RPS6KA1: variants seen among roughly 807,000 people sequenced by gnomAD.
The protein encoded by RPS6KA1 is ribosomal protein S6 kinase A1.
A neutral mutation model predicts 91.3 loss-of-function variants in RPS6KA1; 48 were observed. The observed-to-expected ratio is 0.53, with a 90% confidence interval of 0.42 to 0.67. The LOEUF is 0.67. Among genes scored for constraint, RPS6KA1 ranks in the 30% least tolerant of loss-of-function variants. The pLI is 0.00. For missense variants in RPS6KA1, 719 were observed against 960.5 expected (o/e 0.75, Z 3.32); for synonymous variants, 359 against 384.7 (o/e 0.93, Z 0.78).
At chr1:26,556,933 G>T in intron 12 of RPS6KA1, 65 bp from the exon 13 acceptor site, 2 of 1,334,046 alleles carry the variant, frequency 1.5e-6, no homozygotes, top group Non-Finnish European at 2.2e-6. Context: ...ACCTCCTCCT[G>T]CATGGGGCTC....
At chr1:26,569,505 TC>T (rs1459823167) in intron 17 of RPS6KA1, among the ~76,000 whole-genome samples, 1 of 152,148 alleles carries the variant, frequency 6.6e-6, no homozygotes, top group Admixed American at 6.5e-5. Context: ...TGTGGCCCTT[TC>T]CCCCTCATCT....
chr1:26,568,713 G>A (rs2076224684), intron 17 of RPS6KA1, among the ~76,000 whole-genome samples: 1 of 152,176 alleles, frequency 6.6e-6, no homozygotes, highest in South Asian at 2.1e-4. Context: ...TCACGCCATT[G>A]CACTCCAGCC....
intron 4 of RPS6KA1, among the ~76,000 whole-genome samples, chr1:26,548,731 G>A (rs2076018948): frequency 6.6e-6 from 1 of 151,794 alleles, no homozygotes; most frequent in South Asian, 2.1e-4. Flanking sequence ...CCCAGGAGGT[G>A]GAGATTGCAG....
Position 26,571,185 on chromosome 1 carries a change from A to G in RPS6KA1, c.1591-264A>G. Reference sequence around the variant, plus strand: ...GGAAGGATGGAGTTGCCACAAGGTAAGATTATGTGATGAGTAGGTTTTAGG... The same window carrying G: ...GGAAGGATGGAGTTGCCACAAGGTAGGATTATGTGATGAGTAGGTTTTAGG... On this transcript the variant is annotated intron_variant, in intron 17 of 21. Transcript: ENST00000374168. The surrounding 1 kb of genome is among the most constrained non-coding windows in gnomAD (Gnocchi z 5.1). The G allele has an allele frequency of 2.3e-6, 1 of 433,522 alleles. No individual in the cohort carries two copies. The highest frequency in any genetic ancestry group is 3.8e-5 in the South Asian group (1 of 26,238). The allele number at this position is 433,522 out of a possible 1,614,324, so 26.9% of individuals were successfully genotyped here. A position where few individuals can be genotyped will look rare whatever the true frequency, so the allele number is the denominator to read the frequency against.
At chr1:26,538,941 G>A (rs971579024) in intron 2 of RPS6KA1, among the ~76,000 whole-genome samples, 1 of 152,168 alleles carries the variant, frequency 6.6e-6, no homozygotes. Context: ...GCTGGCAATG[G>A]GCCACTTTAT....
Position 26,561,694 on chromosome 1 carries a change from G to A in RPS6KA1, c.1590+31G>A, listed in dbSNP as rs758060650. 6.4e-7 allele frequency: 1 copy of A among 1,563,526 alleles called. No homozygotes were observed. Among genetic ancestry groups the A allele is most frequent in the Non-Finnish European group, 8.7e-7 (1 of 1,152,380 alleles). On this transcript the variant is annotated intron_variant, in intron 17 of 21. Coordinates refer to ENST00000374168, the MANE Select transcript of RPS6KA1 (RefSeq NM_002953.4). The surrounding 1 kb of genome is among the most constrained non-coding windows in gnomAD (Gnocchi z 5.7). ...TCTGGATTCGGGGAGGCAGTAGGGG[G>A]ATGCCAAGGGTCATATCATCAGCAG...
At chr1:26,564,217 A>G (rs527991072) in intron 17 of RPS6KA1, among the ~76,000 whole-genome samples, 2 of 152,312 alleles carry the variant, frequency 1.3e-5, no homozygotes, top group South Asian at 4.1e-4. Context: ...GCACAGTGTC[A>G]TGCTGCCTAC....
intron 2 of RPS6KA1, among the ~76,000 whole-genome samples, chr1:26,542,509 G>A (rs1245280932): frequency 6.6e-6 from 1 of 152,160 alleles, no homozygotes; most frequent in Non-Finnish European, 1.5e-5. Context: ...ATGAAATGAG[G>A]CCACGTAGAA....
chr1:26,572,022 C>A lies in RPS6KA1; in HGVS notation c.1829+97C>A, dbSNP rs1570466724. On this transcript the variant is annotated intron_variant, in intron 19 of 21. Transcript: ENST00000374168. Reference sequence around the variant, plus strand: ...ATAGGAATGGCTCAGCCAGCCCCGCCCCAGGATGGTCTGGAAATAGGGACA... The same window carrying A: ...ATAGGAATGGCTCAGCCAGCCCCGCACCAGGATGGTCTGGAAATAGGGACA... The A allele has an allele frequency of 5.7e-6, 8 of 1,398,412 alleles. No homozygotes were observed. The East Asian group carries it at 9.3e-5, about 16-fold the overall frequency. The allele number at this position is 1,398,412 out of a possible 1,614,324, so 86.6% of individuals were successfully genotyped here.
Position 26,551,814 on chromosome 1 carries a change from G to A in RPS6KA1, c.468+91G>A, listed in dbSNP as rs1317130959. 3 of 1,210,268 alleles carry A rather than the reference G, an allele frequency of 2.5e-6. No individual in the cohort carries two copies. Among genetic ancestry groups the A allele is most frequent in the Non-Finnish European group, 3.6e-6 (3 of 822,614 alleles). The allele number at this position is 1,210,268 out of a possible 1,614,324, so 75.0% of individuals were successfully genotyped here. ...CAGGGCCCTGTACAGAATGTGTTTG[G>A]TATGGCTTGAACCTGGAACCACCCA... On this transcript the variant is annotated intron_variant, in intron 6 of 21. Transcript: ENST00000374168. The surrounding 1 kb of genome is among the most constrained non-coding windows in gnomAD (Gnocchi z 4.5).
At chr1:26,533,233 C>T (rs562287697) in intron 1 of RPS6KA1, among the ~76,000 whole-genome samples, 6 of 152,262 alleles carry the variant, frequency 3.9e-5, no homozygotes, top group African/African-American at 9.6e-5. Context: ...GCCCGTGTCA[C>T]CATGCCCAGC....
chr1:26,551,523 G>A lies in RPS6KA1; in HGVS notation c.388+46G>A, dbSNP rs762043207. ...TGAGCTCCTACCCCACCCATCCTTC[G>A]CCCTTGCCTGTGGTCTGTACACTGT... On this transcript the variant is annotated intron_variant, in intron 5 of 21. Coordinates refer to ENST00000374168, the MANE Select transcript of RPS6KA1 (RefSeq NM_002953.4). This position sits in a 1 kb window ranked among gnomAD's most constrained non-coding sequence, Gnocchi z 4.5. 8.7e-6 allele frequency: 14 copies of A among 1,607,236 alleles called. No individual in the cohort carries two copies. The highest frequency in any genetic ancestry group is 5.5e-5 in the South Asian group (5 of 90,916).
intron 21 of RPS6KA1, among the ~76,000 whole-genome samples, chr1:26,573,614 C>T (rs1234129014): frequency 1.3e-5 from 2 of 152,102 alleles, no homozygotes; most frequent in Non-Finnish European, 2.9e-5. Flanking sequence ...GAGGCAGGAC[C>T]CATGACCATA....
intron 17 of RPS6KA1, among the ~76,000 whole-genome samples, chr1:26,562,956 C>A (rs2076167430): frequency 6.6e-6 from 1 of 151,074 alleles, no homozygotes; most frequent in Non-Finnish European, 1.5e-5. Flanking sequence ...CCTGCCTCAG[C>A]CTCCCAAGTA....
At chr1:26,573,393 G>A (rs1310254612) in intron 21 of RPS6KA1, 32 bp downstream of exon 21, 1 of 1,613,400 alleles carries the variant, frequency 6.2e-7, no homozygotes, top group African/African-American at 1.3e-5. Flanking sequence ...TGGGCATCTG[G>A]GGGGTCAGCC....
chr1:26,561,441 C>T lies in RPS6KA1; in HGVS notation c.1432-64C>T. On this transcript the variant is annotated intron_variant, in intron 16 of 21. Transcript: ENST00000374168. The surrounding 1 kb of genome is among the most constrained non-coding windows in gnomAD (Gnocchi z 5.7). ...TGTCATTCTTCCCTGCTCTGGGGCG[C>T]TGCTGACCAGGGGGCTCAGGCCTGA... The T allele has an allele frequency of 1.2e-6, 2 of 1,605,824 alleles. No individual in the cohort carries two copies. The highest frequency in any genetic ancestry group is 1.7e-6 in the Non-Finnish European group (2 of 1,173,118).
chr1:26,550,002 C>A (rs879616435), intron 4 of RPS6KA1, among the ~76,000 whole-genome samples: 1 of 152,088 alleles, frequency 6.6e-6, no homozygotes, highest in Non-Finnish European at 1.5e-5. Flanking sequence ...GCCTCGGCCT[C>A]ACGAGTAACT....
intron 17 of RPS6KA1, among the ~76,000 whole-genome samples, chr1:26,564,014 T>A (rs1250486564): frequency 1.3e-5 from 2 of 152,118 alleles, no homozygotes; most frequent in Non-Finnish European, 2.9e-5. Flanking sequence ...TCCCAGCTAC[T>A]CTGGTGGCTG....
chr1:26,558,893 G>C lies in RPS6KA1; in HGVS notation c.1171G>C (p.Gly391Arg), dbSNP rs749064970. ...GGCCACCGGCCTGATGGAAGACGAC[G>C]GCAAGCCTCGTGCCCCGCAGGCACC... ...FVATGLMEDD[G>R]KPRAPQAPLH... Residue 391 changes from glycine to arginine, a missense_variant, in exon 14 of 22, where the codon GGC becomes CGC. By Grantham distance (125) the Gly-to-Arg change is moderately radical. Transcript: ENST00000374168. The surrounding 1 kb of genome is among the most constrained non-coding windows in gnomAD (Gnocchi z 4.0). 1.1e-5 allele frequency: 17 copies of C among 1,613,616 alleles called. No individual in the cohort carries two copies. The highest frequency in any genetic ancestry group is 1.4e-5 in the Non-Finnish European group (17 of 1,179,732).
Sources: allele counts gnomAD v4.1 joint callset (sites outside exome capture counted in the v4.1 genomes callset), GRCh38; gene constraint gnomAD v4.1.1; non-coding constraint Gnocchi (gnomAD v3.1); transcripts MANE v1.5; gene names NCBI Gene and HGNC (gene_info 2026-07-23, HGNC 2026-07-21).